Variants in CLTCL1 observed in about 807,000 individuals in gnomAD.
CLTCL1 encodes the protein clathrin heavy chain like 1, also known as clathrin heavy chain 2.
A neutral mutation model predicts 190.0 loss-of-function variants in CLTCL1; 159 were observed. The observed-to-expected ratio is 0.84, with a 90% CI of 0.74 to 0.95. The LOEUF is 0.95. Ranked by LOEUF, CLTCL1 falls within the 40% of genes least tolerant of loss-of-function variation. CLTCL1 has a pLI of 0.00. For missense variants in CLTCL1, 1,878 were observed against 2,033.4 expected (o/e 0.92, Z 1.47); for synonymous variants, 752 against 769.6 (o/e 0.98, Z 0.38).
chr22:19,225,499 GC>G lies in CLTCL1; in HGVS notation c.2081del (p.Gly694AlafsTer26). ...QVASKYHEQL[G>X]TQALVELFES... ...CAAAGAGCTCCACCAGGGCCTGCGT[GC>G]CCAGCTGCTCGTGGTACTTAGAGGC... On this transcript the variant is annotated frameshift_variant, in exon 13 of 33. Coordinates refer to ENST00000427926, the MANE Select transcript of CLTCL1 (RefSeq NM_007098.4). LOFTEE classifies it high-confidence loss of function. 1 of 1,588,502 alleles carries G rather than the reference GC, an allele frequency of 6.3e-7. No homozygotes were observed. Among genetic ancestry groups the G allele is most frequent in the East Asian group, 2.3e-5 (1 of 43,568 alleles).
chr22:19,199,101 G>A (rs2084799937), intron 24 of CLTCL1, among the ~76,000 whole-genome samples: 1 of 152,164 alleles, frequency 6.6e-6, no homozygotes, highest in Admixed American at 6.6e-5. Context: ...CCATGGCCAT[G>A]GTGACACTGC....
intron 14 of CLTCL1, 45 bp downstream of exon 14, chr22:19,223,846 C>T (rs781844420): frequency 1.9e-6 from 3 of 1,608,906 alleles, no homozygotes; most frequent in Non-Finnish European, 2.5e-6. Context: ...CCCCACCTGC[C>T]ATCAGCAAGG....
chr22:19,199,007 C>T (rs1031987207), intron 24 of CLTCL1, among the ~76,000 whole-genome samples: 6 of 152,160 alleles, frequency 3.9e-5, no homozygotes, highest in Admixed American at 6.5e-5. Context: ...AGCCATCACA[C>T]CCAGCTAATA....
At chr22:19,180,339 T>G in intron 31 of CLTCL1, 101 bp from the exon 32 acceptor site, 5 of 1,267,196 alleles carry the variant, frequency 3.9e-6, no homozygotes, top group African/African-American at 1.5e-5. Context: ...CTCAGGCCTG[T>G]GTTTGCCCCA....
At chr22:19,253,462 C>T (rs1395832688) in intron 3 of CLTCL1, among the ~76,000 whole-genome samples, 6 of 152,172 alleles carry the variant, frequency 3.9e-5, no homozygotes, top group African/African-American at 7.2e-5. Flanking sequence ...AGCCCTCTCT[C>T]GTCTTCCCGA....
At chr22:19,283,765 G>A (rs1376402205) in intron 1 of CLTCL1, among the ~76,000 whole-genome samples, 1 of 151,936 alleles carries the variant, frequency 6.6e-6, no homozygotes, top group African/African-American at 2.4e-5. Flanking sequence ...GCCGAGGCGG[G>A]TAGATCACTG....
chr22:19,211,506 C>A (rs1429779571), intron 19 of CLTCL1, among the ~76,000 whole-genome samples: 1 of 152,212 alleles, frequency 6.6e-6, no homozygotes, highest in South Asian at 2.1e-4. Flanking sequence ...CGGTGTCTCA[C>A]GCCTGTAATC....
Position 19,258,871 on chromosome 22 carries a change from A to G in CLTCL1, c.251-4644T>C, listed in dbSNP as rs1486602894. The G allele has an allele frequency of 3.0e-5, 15 of 492,552 alleles. No homozygotes were observed. In the Admixed American group the frequency reaches 4.0e-4, roughly 13 times the overall value. 30.5% of individuals were successfully genotyped at this position (492,552 alleles called of 1,614,324 possible). On this transcript the variant is annotated intron_variant, in intron 2 of 32. Transcript: ENST00000427926. The stretch of plus-strand genomic sequence containing the variant: ...AGTAAAAAGTTCACAGGTTAAAAAA[A>G]ACCCCAACAATTAAAATCATAAAAT...
chr22:19,230,906 A>G (rs570151615), intron 10 of CLTCL1, among the ~76,000 whole-genome samples: 55 of 152,250 alleles, frequency 3.6e-4, no homozygotes, highest in South Asian at 4.2e-4. Flanking sequence ...AACACCATCT[A>G]ATCGGCTGGG....
intron 3 of CLTCL1, among the ~76,000 whole-genome samples, chr22:19,244,276 T>C (rs1274467984): frequency 6.6e-6 from 1 of 152,210 alleles, no homozygotes; most frequent in Non-Finnish European, 1.5e-5. Flanking sequence ...TTAAGCAAAG[T>C]ACTGACACAT....
At chr22:19,194,077 T>C (rs948167034) in intron 26 of CLTCL1, among the ~76,000 whole-genome samples, 35 of 152,216 alleles carry the variant, frequency 2.3e-4, no homozygotes, top group Admixed American at 2.2e-3. Flanking sequence ...TACAGAGTGC[T>C]GATTGGCCCA....
intron 27 of CLTCL1, among the ~76,000 whole-genome samples, chr22:19,190,934 C>A (rs1050038309): frequency 8.5e-5 from 13 of 152,092 alleles, no homozygotes; most frequent in Non-Finnish European, 1.6e-4. Flanking sequence ...CCCACCACCA[C>A]GCCCAGCTAA....
intron 26 of CLTCL1, among the ~76,000 whole-genome samples, chr22:19,193,621 A>C (rs2084590156): frequency 6.6e-6 from 1 of 152,248 alleles, no homozygotes; most frequent in African/African-American, 2.4e-5. Context: ...CTGTAATCCC[A>C]GCACTTTGGG....
intron 12 of CLTCL1, among the ~76,000 whole-genome samples, chr22:19,225,921 CAGACAGTCCTATT>C (rs1166275053): frequency 6.6e-6 from 1 of 152,208 alleles, no homozygotes; most frequent in Non-Finnish European, 1.5e-5. Context: ...CTAATGGTTT[CAGACAGTCCTATT>C]AGGTTGTCAA....
intron 1 of CLTCL1, among the ~76,000 whole-genome samples, chr22:19,288,746 T>A (rs1217656956): frequency 6.6e-6 from 1 of 152,166 alleles, no homozygotes; most frequent in Non-Finnish European, 1.5e-5. Context: ...ATACATAACA[T>A]CACCAGCAGC....
At chr22:19,263,585 T>G (rs2087024075) in intron 2 of CLTCL1, among the ~76,000 whole-genome samples, 1 of 152,104 alleles carries the variant, frequency 6.6e-6, no homozygotes, top group East Asian at 1.9e-4. Context: ...AGCTAATTTT[T>G]GGGTTTTGTA....
chr22:19,184,512 C>T (rs1555927397), intron 29 of CLTCL1: 8 of 455,972 alleles, frequency 1.8e-5, no homozygotes, highest in Admixed American at 1.2e-4. Flanking sequence ...GCTCATCGAT[C>T]GCTGCCTCCT....
intron 2 of CLTCL1, among the ~76,000 whole-genome samples, chr22:19,259,423 T>A (rs1260084690): frequency 1.3e-5 from 2 of 151,884 alleles, no homozygotes; most frequent in Admixed American, 1.3e-4. Context: ...ACAAAAAAAA[T>A]CAAAGGTTTG....
intron 2 of CLTCL1, among the ~76,000 whole-genome samples, chr22:19,262,083 T>C (rs2086966716): frequency 6.6e-6 from 1 of 152,024 alleles, no homozygotes; most frequent in Admixed American, 6.5e-5. Context: ...TGGAGTGCAG[T>C]GGCGTGATCT....
Sources: gnomAD v4.1 joint callset for allele counts (sites outside exome capture counted in the v4.1 genomes callset) on GRCh38, gnomAD v4.1.1 for gene constraint, MANE v1.5 for transcripts, NCBI Gene and HGNC (gene_info 2026-07-23, HGNC 2026-07-21) for gene names.